The following FGD5 variants were observed in gnomAD, a reference collection of about 807,000 sequenced individuals.
The protein encoded by FGD5 is FYVE, RhoGEF and PH domain containing 5, also known as FYVE, RhoGEF and PH domain-containing protein 5.
A neutral mutation model predicts 133.4 loss-of-function variants in FGD5; 28 were observed. The ratio of observed to expected loss-of-function variants is 0.21; its 90% CI spans 0.16 to 0.29. The LOEUF (loss-of-function observed/expected upper bound fraction) is 0.29, where lower values mean the gene tolerates loss of function less well. Among genes scored for constraint, FGD5 ranks in the 10% least tolerant of loss-of-function variants. The probability of loss-of-function intolerance (pLI) is 1.00; values close to 1 mark genes in which losing one functional copy is unlikely to be tolerated. For missense variants in FGD5, 1,858 were observed against 1,895.2 expected (o/e 0.98, Z 0.36); for synonymous variants, 810 against 776.5 (o/e 1.04, Z -0.72).
chr3:14,833,964 G>A (rs2125079482), intron 1 of FGD5, among the ~76,000 whole-genome samples: 1 of 152,250 alleles, frequency 6.6e-6, no homozygotes, highest in Non-Finnish European at 1.5e-5. Context: ...CCTCCTTGGG[G>A]TTCCCTCCCA....
chr3:14,927,839 C>T (rs1331841828), intron 18 of FGD5, among the ~76,000 whole-genome samples: 2 of 152,090 alleles, frequency 1.3e-5, no homozygotes, highest in Non-Finnish European at 2.9e-5. Flanking sequence ...TCACTGTTCA[C>T]TGCAGCTTTG....
chr3:14,920,874 G>A (rs2038666522), intron 13 of FGD5, among the ~76,000 whole-genome samples: 1 of 152,226 alleles, frequency 6.6e-6, no homozygotes, highest in Non-Finnish European at 1.5e-5. Flanking sequence ...GAGTAGAAAA[G>A]GGCTTGGAAA....
chr3:14,815,444 C>T (rs957914899), upstream of FGD5, among the ~76,000 whole-genome samples: 3 of 152,004 alleles, frequency 2.0e-5, no homozygotes, highest in African/African-American at 7.2e-5. Flanking sequence ...TCTTGCATAT[C>T]TCCCACCACC....
intron 1 of FGD5, among the ~76,000 whole-genome samples, chr3:14,811,189 C>T (rs898187936): frequency 1.3e-5 from 2 of 152,182 alleles, no homozygotes; most frequent in African/African-American, 4.8e-5. Context: ...GAAAGACGCC[C>T]CTTTCGCAAA....
intron 10 of FGD5, among the ~76,000 whole-genome samples, chr3:14,910,403 T>G (rs2038426236): frequency 6.6e-6 from 1 of 152,162 alleles, no homozygotes; most frequent in Admixed American, 6.5e-5. Flanking sequence ...ATTGTGATTT[T>G]CAGAATTTTG....
intron 2 of FGD5, among the ~76,000 whole-genome samples, chr3:14,868,686 C>G (rs892590035): frequency 6.6e-6 from 1 of 152,236 alleles, no homozygotes; most frequent in African/African-American, 2.4e-5. Flanking sequence ...GAAAACAATA[C>G]TCATCTCCTA....
chr3:14,908,964 TCATTCATC>T (rs1310135135), intron 10 of FGD5, among the ~76,000 whole-genome samples: 22 of 146,444 alleles, frequency 1.5e-4, no homozygotes, highest in African/African-American at 5.8e-4. Context: ...ATTCATTCAT[TCATTCATC>T]CATTCATTCA....
chr3:14,915,949 G>T (rs1236248942), intron 11 of FGD5, among the ~76,000 whole-genome samples: 14 of 152,194 alleles, frequency 9.2e-5, no homozygotes, highest in African/African-American at 3.4e-4. Flanking sequence ...GGCATCATTT[G>T]TACAGGGCTC....
At chr3:14,904,621 A>C (rs1212018316) in intron 9 of FGD5, among the ~76,000 whole-genome samples, 1 of 152,154 alleles carries the variant, frequency 6.6e-6, no homozygotes, top group Non-Finnish European at 1.5e-5. Context: ...TCATTTCTCC[A>C]TGGAGCCCTG....
intron 10 of FGD5, among the ~76,000 whole-genome samples, chr3:14,907,912 T>C (rs2125141174): frequency 6.6e-6 from 1 of 152,252 alleles, no homozygotes; most frequent in Admixed American, 6.5e-5. Context: ...CTCCACCCCA[T>C]GTGTTGCCTG....
intron 1 of FGD5, among the ~76,000 whole-genome samples, chr3:14,836,528 T>C (rs1480644889): frequency 6.6e-6 from 1 of 152,230 alleles, no homozygotes; most frequent in African/African-American, 2.4e-5. Flanking sequence ...GGAGAGTTCA[T>C]GCTTTGCCAG....
chr3:14,822,711 C>T (rs951075713), intron 1 of FGD5, among the ~76,000 whole-genome samples: 3 of 152,120 alleles, frequency 2.0e-5, no homozygotes, highest in African/African-American at 4.8e-5. Flanking sequence ...TGTTTGGGGG[C>T]ACCTGATCTG....
At chr3:14,863,292 G>A (rs931555026) in intron 1 of FGD5, among the ~76,000 whole-genome samples, 2 of 152,238 alleles carry the variant, frequency 1.3e-5, no homozygotes, top group African/African-American at 4.8e-5. Flanking sequence ...GCAGGAGAAG[G>A]GCACAGTCTT....
chr3:14,831,574 T>C (rs1465597877), intron 1 of FGD5, among the ~76,000 whole-genome samples: 1 of 152,084 alleles, frequency 6.6e-6, no homozygotes, highest in Non-Finnish European at 1.5e-5. Context: ...AAGACCATGC[T>C]AGTCCAGGGA....
intron 1 of FGD5, among the ~76,000 whole-genome samples, chr3:14,861,471 A>G (rs1038243155): frequency 1.3e-5 from 2 of 152,210 alleles, no homozygotes; most frequent in Non-Finnish European, 2.9e-5. Flanking sequence ...ACCCAACTCC[A>G]CATATCACTG....
chr3:14,874,245 AT>A (rs1339805628), intron 2 of FGD5, among the ~76,000 whole-genome samples: 1 of 151,292 alleles, frequency 6.6e-6, no homozygotes, highest in African/African-American at 2.4e-5. Context: ...AGGGCCAGGC[AT>A]GGTGGCTCAT....
intron 17 of FGD5, among the ~76,000 whole-genome samples, chr3:14,924,456 T>G (rs1212124301): frequency 6.6e-6 from 1 of 152,126 alleles, no homozygotes; most frequent in Non-Finnish European, 1.5e-5. Flanking sequence ...GGAGCCAAAT[T>G]CCTGTGTTGG....
intron 1 of FGD5, among the ~76,000 whole-genome samples, chr3:14,828,638 G>T (rs1225625314): frequency 6.6e-6 from 1 of 152,144 alleles, no homozygotes; most frequent in East Asian, 1.9e-4. Flanking sequence ...GTTCTAGGTA[G>T]TAGAGGTACT....
chr3:14,821,459 G>C lies in FGD5; in HGVS notation c.2388G>C (p.Arg796Ser). ...AGATTCCACCCCGGAGACCTGCCAG[G>C]GCTGGCGCGTTCACGAAGCTGTTTG... ...NIQIPPRRPA[R>S]AGAFTKLFED... The change falls in exon 1 of 20, where the codon AGG (arginine) becomes AGC (serine). Residue 796 changes from arginine to serine, a missense_variant. This residue lies in a region of FGD5 where 1,824 missense variants were observed against 1,848.9 expected (regional missense o/e 0.99). Transcript: ENST00000285046. The C allele has an allele frequency of 6.2e-7, 1 of 1,614,002 alleles. No individual in the cohort carries two copies. Among genetic ancestry groups the C allele is most frequent in the Non-Finnish European group, 8.5e-7 (1 of 1,179,902 alleles).
Sources: gnomAD v4.1 joint callset for allele counts (sites outside exome capture counted in the v4.1 genomes callset) on GRCh38, gnomAD v4.1.1 for gene constraint, gnomAD v4.1.1 regional missense constraint, MANE v1.5 for transcripts, NCBI Gene and HGNC (gene_info 2026-07-23, HGNC 2026-07-21) for gene names.